UQCC1: variants seen among roughly 807,000 people sequenced by gnomAD.
UQCC1 encodes ubiquinol-cytochrome c reductase complex assembly factor 1.
A neutral mutation model predicts 48.0 loss-of-function variants in UQCC1; 38 were observed. That is an observed-to-expected ratio of 0.79 (90% confidence interval 0.61 to 1.04). UQCC1 has a LOEUF of 1.04. Ranked by LOEUF, UQCC1 falls within the 50% of genes least tolerant of loss-of-function variation. UQCC1 has a pLI of 0.00. For missense variants in UQCC1, 368 were observed against 381.8 expected, an observed-to-expected ratio of 0.96 and a Z score of 0.30; for synonymous variants, 111 against 129.2, an observed-to-expected ratio of 0.86 and a Z score of 0.95.
intron 8 of UQCC1, among the ~76,000 whole-genome samples, chr20:35,307,749 T>C (rs2060944864): frequency 6.6e-6 from 1 of 152,232 alleles, no homozygotes; most frequent in Non-Finnish European, 1.5e-5. Context: ...CAGATGAAGT[T>C]ACCTGCTCTA....
At chr20:35,307,780 T>C (rs922999351) in intron 8 of UQCC1, among the ~76,000 whole-genome samples, 2 of 152,198 alleles carry the variant, frequency 1.3e-5, no homozygotes, top group Non-Finnish European at 1.5e-5. Context: ...TCTTGAACTA[T>C]TTGTTAAGTG....
intron 1 of UQCC1, among the ~76,000 whole-genome samples, chr20:35,403,152 CA>C (rs913949741): frequency 6.6e-6 from 1 of 151,680 alleles, no homozygotes; most frequent in African/African-American, 2.4e-5. Context: ...AGATTGATTA[CA>C]TACAGGAAAG....
At chr20:35,315,022 C>T (rs548622877) in intron 7 of UQCC1, among the ~76,000 whole-genome samples, 1 of 152,326 alleles carries the variant, frequency 6.6e-6, no homozygotes, top group East Asian at 1.9e-4. Flanking sequence ...TAGTTTTGTG[C>T]TAGATCCTAT....
chr20:35,378,949 C>T (rs1487169637), intron 4 of UQCC1, among the ~76,000 whole-genome samples: 1 of 152,182 alleles, frequency 6.6e-6, no homozygotes, highest in African/African-American at 2.4e-5. Context: ...GGCTAAGCAT[C>T]CCTATTTCCT....
intron 4 of UQCC1, among the ~76,000 whole-genome samples, chr20:35,381,407 C>G (rs887621489): frequency 1.3e-5 from 2 of 152,154 alleles, no homozygotes; most frequent in African/African-American, 4.8e-5. Flanking sequence ...CTGGAAAGCC[C>G]AGTCTTGTTG....
rs77634358 is a variant in UQCC1, at chr20:35,386,944, G to A, written c.130-2811C>T. Among the ~76,000 whole-genome samples the A allele has an allele frequency of 9.4e-3, 1,434 of 151,826 alleles. 27 individuals carry two copies. Among genetic ancestry groups the A allele is most frequent in the African/African-American group, 0.033 (1,349 of 41,338 alleles). ...TGCACTTCCCGCAAAAAATTCACTC[G>A]ACCCTTAAAGACCTCAATTTTTCCT... On this transcript the variant is annotated intron_variant, in intron 2 of 9. Coordinates refer to ENST00000374385, the MANE Select transcript of UQCC1 (RefSeq NM_018244.5).
chr20:35,386,229 CAAAA>C, intron 2 of UQCC1: 1 of 317,570 alleles, frequency 3.1e-6, no homozygotes, highest in Non-Finnish European at 6.1e-6. Flanking sequence ...ATAATTCTGG[CAAAA>C]AAAAAAAAAT....
chr20:35,400,965 A>T (rs1359991333), intron 1 of UQCC1, among the ~76,000 whole-genome samples: 1 of 152,198 alleles, frequency 6.6e-6, no homozygotes, highest in African/African-American at 2.4e-5. Context: ...TTTTTAAGAT[A>T]CATAGTATTT....
chr20:35,316,789 C>T (rs934150334), intron 7 of UQCC1, among the ~76,000 whole-genome samples: 7 of 151,870 alleles, frequency 4.6e-5, no homozygotes, highest in Admixed American at 1.3e-4. Flanking sequence ...CAGGTGCCCG[C>T]CACCATGCCC....
At chr20:35,406,065 T>C (rs1187757920) in intron 1 of UQCC1, among the ~76,000 whole-genome samples, 4 of 151,444 alleles carry the variant, frequency 2.6e-5, no homozygotes, top group African/African-American at 9.7e-5. Context: ...ATTAGTAGCC[T>C]CAAAATGAAA....
At chr20:35,402,606 AACAAACAAAATAT>A (rs1568714642) in intron 1 of UQCC1, among the ~76,000 whole-genome samples, 15 of 143,390 alleles carry the variant, frequency 1.0e-4, no homozygotes, top group African/African-American at 4.2e-4. Context: ...CAAACAAACA[AACAAACAAAATAT>A]ATATATATAT....
At chr20:35,387,532 A>G (rs1355397942) in intron 2 of UQCC1, among the ~76,000 whole-genome samples, 2 of 151,748 alleles carry the variant, frequency 1.3e-5, no homozygotes, top group Admixed American at 6.6e-5. Flanking sequence ...TTTTTTTCAA[A>G]GAGGACAACT....
chr20:35,405,733 CAA>C (rs2146545469), intron 1 of UQCC1, among the ~76,000 whole-genome samples: 1 of 152,170 alleles, frequency 6.6e-6, no homozygotes, highest in South Asian at 2.1e-4. Context: ...ACTAAAAATA[CAA>C]AAATTAGCCG....
intron 1 of UQCC1, among the ~76,000 whole-genome samples, chr20:35,406,673 A>G (rs2062255241): frequency 6.6e-6 from 1 of 152,232 alleles, no homozygotes; most frequent in Non-Finnish European, 1.5e-5. Flanking sequence ...TAGACTGGTA[A>G]AGGTAACTGT....
intron 4 of UQCC1, among the ~76,000 whole-genome samples, chr20:35,375,190 T>A (rs1280837056): frequency 1.3e-5 from 2 of 152,074 alleles, no homozygotes; most frequent in Non-Finnish European, 2.9e-5. Context: ...GAGAATGACA[T>A]AGCAACTGAA....
rs1020814753 is a variant in UQCC1 at position 35,374,265 on chromosome 20, A to G, written c.334-9T>C. ...GCCGCAATCTTAATCTTCTAGACAA[A>G]GAGAATAAAACCAAACTCAAGACAT... On this transcript the variant is annotated splice_polypyrimidine_tract_variant and intron_variant, in intron 4 of 9. Transcript: ENST00000374385. The G allele has an allele frequency of 6.2e-7, 1 of 1,607,218 alleles. No homozygotes were observed. The highest frequency in any genetic ancestry group is 1.7e-5 in the Admixed American group (1 of 58,606).
chr20:35,371,539 C>A (rs1346305956), intron 5 of UQCC1, among the ~76,000 whole-genome samples: 1 of 151,510 alleles, frequency 6.6e-6, no homozygotes, highest in Non-Finnish European at 1.5e-5. Context: ...ACCATGTTGG[C>A]CTGGCTGGTC....
chr20:35,327,599 G>T (rs2061209221), intron 7 of UQCC1, among the ~76,000 whole-genome samples: 1 of 152,160 alleles, frequency 6.6e-6, no homozygotes, highest in Non-Finnish European at 1.5e-5. Context: ...AAGCATCCTG[G>T]GAATGGCTGA....
intron 1 of UQCC1, among the ~76,000 whole-genome samples, chr20:35,394,402 C>T (rs993489594): frequency 6.6e-6 from 1 of 151,898 alleles, no homozygotes; most frequent in African/African-American, 2.4e-5. Context: ...TCAACCATAC[C>T]TGAGTTTATG....
Sources: allele counts gnomAD v4.1 joint callset (sites outside exome capture counted in the v4.1 genomes callset), GRCh38; gene constraint gnomAD v4.1.1; transcripts MANE v1.5; gene names NCBI Gene and HGNC (gene_info 2026-07-23, HGNC 2026-07-21).